The following METTL15 variants were observed in gnomAD, a reference collection of about 807,000 sequenced individuals.
METTL15 encodes the protein methyltransferase 15, mitochondrial 12S rRNA N4-cytidine, also known as 12S rRNA N(4)-cytidine methyltransferase METTL15.
Under a neutral mutation model 38.3 loss-of-function variants are expected in METTL15, and 34 were observed. The observed-to-expected ratio is 0.89, with a 90% CI of 0.68 to 1.18. The LOEUF (loss-of-function observed/expected upper bound fraction) is 1.18. Among genes scored for constraint, METTL15 ranks in the 50% most tolerant of loss-of-function variants. METTL15 has a pLI of 0.00. For missense variants in METTL15, 438 were observed against 498.4 expected (o/e 0.88, Z 1.15); for synonymous variants, 162 against 170.9 (o/e 0.95, Z 0.41).
chr11:28,234,996 A>G (rs1206325188), intron 4 of METTL15, among the ~76,000 whole-genome samples: 1 of 151,914 alleles, frequency 6.6e-6, no homozygotes, highest in Non-Finnish European at 1.5e-5. Flanking sequence ...GATGTAAGGA[A>G]GGGATCCAGT....
At chr11:28,196,507 T>C (rs1291793138) in intron 3 of METTL15, among the ~76,000 whole-genome samples, 3 of 151,970 alleles carry the variant, frequency 2.0e-5, no homozygotes, top group Non-Finnish European at 4.4e-5. Context: ...TCTCAGCTTA[T>C]TGATGTACAG....
At chr11:28,177,673 A>C (rs562499141) in intron 3 of METTL15, among the ~76,000 whole-genome samples, 1 of 152,070 alleles carries the variant, frequency 6.6e-6, no homozygotes, top group South Asian at 2.1e-4. Context: ...TGTTTTCTAC[A>C]TTTAATTTAT....
At chr11:28,229,741 A>G (rs965602499) in intron 4 of METTL15, among the ~76,000 whole-genome samples, 1 of 151,930 alleles carries the variant, frequency 6.6e-6, no homozygotes, top group Non-Finnish European at 1.5e-5. Context: ...GTTTCAATAA[A>G]TTACCCAGTC....
At chr11:28,465,564 G>C (rs1160773948) in intron 6 of METTL15, among the ~76,000 whole-genome samples, 1 of 152,084 alleles carries the variant, frequency 6.6e-6, no homozygotes, top group Non-Finnish European at 1.5e-5. Context: ...AACCTGCTCT[G>C]CATCCTATCT....
At chr11:28,213,411 C>A (rs16917824) in intron 4 of METTL15, among the ~76,000 whole-genome samples, 4,019 of 152,030 alleles carry the variant, frequency 0.026, 180 homozygotes, top group African/African-American at 0.092. Flanking sequence ...GGAAGACCAA[C>A]CATAGACACA....
intron 3 of METTL15, among the ~76,000 whole-genome samples, chr11:28,172,806 A>G (rs906277191): frequency 6.6e-6 from 1 of 152,244 alleles, no homozygotes; most frequent in Non-Finnish European, 1.5e-5. Flanking sequence ...AATAGACAGA[A>G]AATAGCATAC....
At chr11:28,397,725 C>A (rs1258873945) in intron 5 of METTL15, among the ~76,000 whole-genome samples, 2 of 152,030 alleles carry the variant, frequency 1.3e-5, no homozygotes, top group African/African-American at 4.8e-5. Context: ...TTGACCCAGC[C>A]ATCCTATTAC....
intron 4 of METTL15, among the ~76,000 whole-genome samples, chr11:28,260,759 C>T (rs1366470262): frequency 6.6e-6 from 1 of 152,116 alleles, no homozygotes; most frequent in Non-Finnish European, 1.5e-5. Flanking sequence ...ATTATGAGAA[C>T]ACATATTATG....
chr11:28,445,285 C>G (rs1437275091), intron 6 of METTL15, among the ~76,000 whole-genome samples: 5 of 152,138 alleles, frequency 3.3e-5, no homozygotes, highest in Non-Finnish European at 5.9e-5. Flanking sequence ...TCCGTAGACT[C>G]TTTTTCAGAT....
chr11:28,359,839 T>C (rs190411840), intron 4 of METTL15, among the ~76,000 whole-genome samples: 1 of 152,320 alleles, frequency 6.6e-6, no homozygotes, highest in Non-Finnish European at 1.5e-5. Flanking sequence ...TGAAATAACT[T>C]TAATTATATG....
At chr11:28,517,413 T>A (rs577815314) in intron 6 of METTL15, 4 of 152,302 alleles carry the variant, frequency 2.6e-5, no homozygotes, top group South Asian at 4.1e-4. Flanking sequence ...AACATATTTA[T>A]TTCCATTGTT....
At chr11:28,295,672 A>T (rs975742083) in intron 5 of METTL15, among the ~76,000 whole-genome samples, 2 of 152,052 alleles carry the variant, frequency 1.3e-5, no homozygotes, top group African/African-American at 4.8e-5. Context: ...ATCAAGAGAG[A>T]TGAAAGTCAT....
chr11:28,125,449 A>G (rs1000683033), intron 3 of METTL15: 2 of 152,070 alleles, frequency 1.3e-5, no homozygotes, highest in Admixed American at 6.6e-5. Context: ...AGTTCTATGC[A>G]GTTGGATAAA....
chr11:28,139,275 C>T (rs1013186654), intron 3 of METTL15, among the ~76,000 whole-genome samples: 3 of 152,002 alleles, frequency 2.0e-5, no homozygotes, highest in African/African-American at 7.3e-5. Flanking sequence ...AAAGGAATCC[C>T]AGTGATTCAG....
chr11:28,464,956 C>T (rs1851244635), intron 6 of METTL15, among the ~76,000 whole-genome samples: 1 of 152,206 alleles, frequency 6.6e-6, no homozygotes, highest in African/African-American at 2.4e-5. Flanking sequence ...CATCTTCCTT[C>T]TAATCACATA....
At chr11:28,134,894 T>C (rs1296777962) in intron 3 of METTL15, among the ~76,000 whole-genome samples, 1 of 152,152 alleles carries the variant, frequency 6.6e-6, no homozygotes, top group Non-Finnish European at 1.5e-5. Context: ...CTTTGGTAGC[T>C]CTCTTGATTT....
intron 3 of METTL15, among the ~76,000 whole-genome samples, chr11:28,348,112 C>T (rs960405829): frequency 6.6e-6 from 1 of 152,260 alleles, no homozygotes; most frequent in East Asian, 1.9e-4. Context: ...ATTAAGATTA[C>T]GTCCACCAGG....
At chr11:28,209,427 G>A (rs1852526455) in intron 3 of METTL15, among the ~76,000 whole-genome samples, 1 of 151,892 alleles carries the variant, frequency 6.6e-6, no homozygotes. Flanking sequence ...GACTGGCAAA[G>A]GAAATTATTT....
At chr11:28,213,523 T>G (rs1157889869) in intron 4 of METTL15, among the ~76,000 whole-genome samples, 1 of 151,638 alleles carries the variant, frequency 6.6e-6, no homozygotes, top group South Asian at 2.1e-4. Context: ...TATTAAAACT[T>G]GATTAATAGT....
Sources: gnomAD v4.1 joint callset for allele counts (sites outside exome capture counted in the v4.1 genomes callset) on GRCh38, gnomAD v4.1.1 for gene constraint, MANE v1.5 for transcripts, NCBI Gene and HGNC (gene_info 2026-07-23, HGNC 2026-07-21) for gene names.